FLYWCH1: variants seen among roughly 807,000 people sequenced by gnomAD.
FLYWCH1 encodes FLYWCH-type zinc finger-containing protein 1.
FLYWCH1 carries 75 observed loss-of-function variants against 66.4 expected under a neutral mutation model. That is an observed-to-expected ratio of 1.13 (90% CI 0.94 to 1.37). The LOEUF (loss-of-function observed/expected upper bound fraction) is 1.37, where lower values mean the gene tolerates loss of function less well. Ranked by LOEUF, FLYWCH1 falls within the 40% of genes most tolerant of loss-of-function variation. FLYWCH1 has a pLI of 0.00. For synonymous variants in FLYWCH1, 595 were observed against 429.9 expected, an observed-to-expected ratio of 1.38 and a Z score of -4.75; for missense variants, 1,334 against 1,001.8, an observed-to-expected ratio of 1.33 and a Z score of -4.48.
intron 7 of FLYWCH1, among the ~76,000 whole-genome samples, chr16:2,937,722 G>A (rs1213522182): frequency 2.0e-5 from 3 of 152,144 alleles, no homozygotes; most frequent in Non-Finnish European, 4.4e-5. Flanking sequence ...CTACCCCCAC[G>A]CCACCCACAC....
rs755264933 is a variant in FLYWCH1, at chr16:2,948,698, G to C, written c.2122G>C (p.Asp708His). 6.2e-6 allele frequency: 10 copies of C among 1,613,776 alleles called. No individual in the cohort carries two copies. In the Admixed American group the frequency reaches 1.2e-4, roughly 19 times the overall value. Residue 708 changes from aspartate to histidine, a missense_variant, in exon 10 of 10, where the codon GAC (aspartate) becomes CAC (histidine). By Grantham distance (81) the Asp-to-His change is moderately conservative (BLOSUM62 -1). Transcript: ENST00000253928. ...ESQQIYGDIK[D>H]VRLDGESQ ...TCTCTTTGTAATTAGGGACATCAAA[G>C]ACGTCAGACTGGATGGCGAGTCCCA...
Position 2,933,337 on chromosome 16 carries a change from T to G in FLYWCH1, c.1004T>G (p.Met335Arg). Reference protein sequence around the residue: ...VMRGHCHQPDMEGLEARRQQE... With the variant: ...VMRGHCHQPDREGLEARRQQE... ...CGTGGGCACTGCCACCAGCCCGATA[T>G]GGAGGGCCTGGAAGCCCGGCGGCAG... The change falls in exon 5 of 10, where the codon ATG (methionine) becomes AGG (arginine). Residue 335 changes from methionine to arginine, a missense_variant. Met to Arg is a moderately conservative substitution (Grantham distance 91). Transcript: ENST00000253928. 1.2e-6 allele frequency: 2 copies of G among 1,608,192 alleles called. No individual in the cohort carries two copies. Among genetic ancestry groups the G allele is most frequent in the Middle Eastern group, 1.7e-4 (1 of 6,054 alleles).
At chr16:2,921,321 G>T (rs976611179) in intron 2 of FLYWCH1, among the ~76,000 whole-genome samples, 16 of 149,608 alleles carry the variant, frequency 1.1e-4, no homozygotes, top group African/African-American at 4.0e-4. Context: ...TCAGAAAGCT[G>T]TCCAAGTATC....
At chr16:2,924,158 G>A (rs1214524715) in intron 2 of FLYWCH1, among the ~76,000 whole-genome samples, 1 of 151,920 alleles carries the variant, frequency 6.6e-6, no homozygotes, top group African/African-American at 2.4e-5. Flanking sequence ...GTGAAACCCC[G>A]TCTCTACTAA....
intron 3 of FLYWCH1, among the ~76,000 whole-genome samples, 160 bp from the exon 4 acceptor site, chr16:2,930,250 C>G (rs1161271663): frequency 1.3e-5 from 2 of 152,190 alleles, no homozygotes; most frequent in African/African-American, 4.8e-5. Context: ...ACTACCACCC[C>G]CAAAATAAAA....
chr16:2,934,785 G>T (rs1325229928), intron 6 of FLYWCH1: 1 of 381,598 alleles, frequency 2.6e-6, no homozygotes, highest in Admixed American at 3.3e-5. Flanking sequence ...CCTCACCCCC[G>T]CTCCTGACCC....
At chr16:2,918,348 C>T (rs961161975) in intron 2 of FLYWCH1, among the ~76,000 whole-genome samples, 12 of 152,008 alleles carry the variant, frequency 7.9e-5, no homozygotes, top group Non-Finnish European at 1.3e-4. Context: ...GGGGTTTCAC[C>T]GTGTTAGCCA....
At chr16:2,914,950 T>C (rs1308707127) in intron 2 of FLYWCH1, among the ~76,000 whole-genome samples, 1 of 150,118 alleles carries the variant, frequency 6.7e-6, no homozygotes, top group Non-Finnish European at 1.5e-5. Context: ...GAATGAAGAT[T>C]GAACATTACA....
At chr16:2,926,112 G>GC in intron 2 of FLYWCH1, among the ~76,000 whole-genome samples, 1 of 152,108 alleles carries the variant, frequency 6.6e-6, no homozygotes. Context: ...CCCATTATTT[G>GC]CCCTTTCTGC....
chr16:2,931,690 C>T lies in FLYWCH1; in HGVS notation c.796+810C>T, dbSNP rs1012504135. ...ATTAAGTTCAGGAAAGACACCTAGG[C>T]CTGCTGCAGTGATTCATGCCTGTAA... On this transcript the variant is annotated intron_variant, in intron 4 of 9. Transcript: ENST00000253928. Among the ~76,000 whole-genome samples, 4 of 151,754 alleles carry T rather than the reference C, an allele frequency of 2.6e-5. No individual in the cohort carries two copies. The East Asian group carries it at 7.8e-4, about 30-fold the overall frequency.
Position 2,937,361 on chromosome 16 carries a change from A to G in FLYWCH1, c.1754A>G (p.Asn585Ser), listed in dbSNP as rs117309300. Residue 585 changes from asparagine to serine, a missense_variant, in exon 7 of 10, where the codon AAC becomes AGC. Transcript: ENST00000253928. Reference sequence around the variant, plus strand: ...CTGCGGCAGCGGGAGCACTTCCCCAACCTGGCGCAGTGGGACAGCCCAGGT... The same window carrying G: ...CTGCGGCAGCGGGAGCACTTCCCCAGCCTGGCGCAGTGGGACAGCCCAGGT... Reference protein sequence around the residue: ...EALRQREHFPNLAQWDSPDPL... With the variant: ...EALRQREHFPSLAQWDSPDPL... 5,783 of 1,582,366 alleles carry G rather than the reference A, an allele frequency of 3.7e-3. 16 individuals are homozygous for G. Among genetic ancestry groups the G allele is most frequent in the Non-Finnish European group, 4.3e-3 (5,006 of 1,165,374 alleles).
intron 4 of FLYWCH1, among the ~76,000 whole-genome samples, chr16:2,932,546 G>C (rs12709143): frequency 0.5 from 75,980 of 151,862 alleles, 19,336 homozygotes; most frequent in Admixed American, 0.59. Flanking sequence ...AGGCCACGTG[G>C]CTCCTGACAC....
intron 6 of FLYWCH1, chr16:2,934,642 T>C (rs1263144776): frequency 2.2e-6 from 1 of 456,778 alleles, no homozygotes; most frequent in Admixed American, 2.3e-5. Context: ...CAGTGGCTCT[T>C]CCGGATCCTG....
intron 4 of FLYWCH1, among the ~76,000 whole-genome samples, chr16:2,931,804 C>G (rs528308122): frequency 1.1e-3 from 169 of 151,948 alleles, no homozygotes; most frequent in African/African-American, 4.0e-3. Context: ...CCTGTCTCTA[C>G]TAAAGATACA....
rs184987805 is a variant in FLYWCH1, at chr16:2,939,411, G to A, written c.2051-621G>A. On this transcript the variant is annotated intron_variant, in intron 8 of 9. Transcript: ENST00000253928. ...GCGGAGGTTGCAGTGAGCCAAGATCGCGCCACTGCCCTCCAGCCTGGGCAA... is the reference window on the plus strand; with the variant it reads ...GCGGAGGTTGCAGTGAGCCAAGATCACGCCACTGCCCTCCAGCCTGGGCAA... Among the ~76,000 whole-genome samples the A allele has an allele frequency of 2.3e-3, 350 of 151,024 alleles. 1 individual carries two copies. Among genetic ancestry groups the A allele is most frequent in the Non-Finnish European group, 4.1e-3 (273 of 67,394 alleles).
chr16:2,935,063 A>T (rs2070941812), intron 6 of FLYWCH1: 1 of 153,402 alleles, frequency 6.5e-6, no homozygotes, highest in Non-Finnish European at 1.4e-5. Flanking sequence ...AGCTGGGATT[A>T]CAGGCGCCTG....
At chr16:2,916,695 G>A (rs1336181618) in intron 2 of FLYWCH1, among the ~76,000 whole-genome samples, 2 of 151,952 alleles carry the variant, frequency 1.3e-5, no homozygotes, top group Non-Finnish European at 2.9e-5. Context: ...AAAATTCGTT[G>A]TTTGATATCC....
intron 9 of FLYWCH1, among the ~76,000 whole-genome samples, chr16:2,948,346 G>A (rs1218877331): frequency 1.3e-5 from 2 of 151,996 alleles, no homozygotes; most frequent in Non-Finnish European, 2.9e-5. Context: ...ATCACCTGAG[G>A]TCAGGAGATC....
Position 2,933,454 on chromosome 16 carries a change from A to G in FLYWCH1, c.1121A>G (p.Tyr374Cys), listed in dbSNP as rs2070853832. The G allele has an allele frequency of 5.0e-6, 8 of 1,601,428 alleles. No individual in the cohort carries two copies. The highest frequency in any genetic ancestry group is 1.3e-5 in the African/African-American group (1 of 74,690). The change falls in exon 5 of 10, where the codon TAC becomes TGC. Residue 374 changes from tyrosine (Y) to cysteine (C), a missense_variant. Coordinates refer to ENST00000253928, the MANE Select transcript of FLYWCH1 (RefSeq NM_001308068.2). The part of the protein sequence containing the change: ...TLLRGVDSLL[Y>C]RRGPGPLTLT... The stretch of plus-strand genomic sequence containing the variant: ...CTCCGAGGCGTGGATAGTTTGCTCT[A>G]CCGCAGGGGTCCGGGTCCCCTGACT...
Sources: allele counts gnomAD v4.1 joint callset (sites outside exome capture counted in the v4.1 genomes callset), GRCh38; gene constraint gnomAD v4.1.1; transcripts MANE v1.5; gene names NCBI Gene and HGNC (gene_info 2026-07-23, HGNC 2026-07-21).